SLC25A51: variants seen among roughly 807,000 people sequenced by gnomAD.
SLC25A51 encodes solute carrier family 25 member 51.
In SLC25A51, 11 loss-of-function variants were observed where a neutral mutation model predicts 19.1. The observed-to-expected ratio is 0.58, with a 90% confidence interval of 0.36 to 0.96. The LOEUF is 0.96. Among genes scored for constraint, SLC25A51 ranks in the 40% least tolerant of loss-of-function variants. The pLI, the probability that SLC25A51 is intolerant of heterozygous loss-of-function variation, is 0.01. For synonymous variants in SLC25A51, 105 were observed against 133.6 expected (o/e 0.79, Z 1.47); for missense variants, 201 against 365.4 (o/e 0.55, Z 3.67).
At position 37,896,804 on chromosome 9, in the gene SLC25A51, A is replaced by T. The variant is rs559451310; in HGVS notation, c.-43+3025T>A. ...AGTGCGAAGCTCTGTCTCAATAAAT[A>T]AATATTTAAGGTTCAGAACGGTATT... On this transcript the variant is annotated intron_variant, in intron 2 of 2. Transcript: ENST00000242275. Among the ~76,000 whole-genome samples the T allele has an allele frequency of 3.4e-4, 52 of 152,314 alleles. No homozygotes were observed. In the South Asian group the frequency reaches 5.2e-3, roughly 15 times the overall value.
chr9:37,889,371 G>A (rs1384795140), intron 2 of SLC25A51, among the ~76,000 whole-genome samples: 1 of 152,072 alleles, frequency 6.6e-6, no homozygotes, highest in African/African-American at 2.4e-5. Context: ...GTGCCAAGGT[G>A]AACAATTACA....
chr9:37,891,668 AAG>A (rs1165497120), intron 2 of SLC25A51, among the ~76,000 whole-genome samples: 1 of 152,016 alleles, frequency 6.6e-6, no homozygotes, highest in Non-Finnish European at 1.5e-5. Flanking sequence ...CATGCTCGTT[AAG>A]AGTCATCACC....
At chr9:37,885,868 T>C (rs1421899200), downstream of SLC25A51, 2 of 1,595,960 alleles carry the variant, frequency 1.3e-6, no homozygotes, top group African/African-American at 1.4e-5. Flanking sequence ...GTGTTCCTGA[T>C]GACGTGCAAA....
At chr9:37,889,741 T>A (rs1005852877) in intron 2 of SLC25A51, among the ~76,000 whole-genome samples, 17 of 148,186 alleles carry the variant, frequency 1.1e-4, no homozygotes, top group South Asian at 2.2e-4. Context: ...CTATACTAGA[T>A]ACTGCTGAAA....
chr9:37,878,728 T>C (rs1222629475), downstream of SLC25A51: 1 of 154,892 alleles, frequency 6.5e-6, no homozygotes, highest in Non-Finnish European at 1.4e-5. Flanking sequence ...ATGTTATTGA[T>C]AATGACTCCT....
chr9:37,899,526 G>C (rs908914575), intron 2 of SLC25A51, among the ~76,000 whole-genome samples: 1 of 152,004 alleles, frequency 6.6e-6, no homozygotes, highest in African/African-American at 2.4e-5. Flanking sequence ...CACCATGCCT[G>C]GCTAATTTTT....
chr9:37,901,227 T>C (rs1296742865), intron 1 of SLC25A51, among the ~76,000 whole-genome samples: 2 of 152,166 alleles, frequency 1.3e-5, no homozygotes, highest in Non-Finnish European at 2.9e-5. Context: ...TGGAGTGCAG[T>C]GGCGCAATCT....
At chr9:37,901,912 T>C (rs1831857537) in intron 1 of SLC25A51, among the ~76,000 whole-genome samples, 1 of 152,228 alleles carries the variant, frequency 6.6e-6, no homozygotes, top group Admixed American at 6.5e-5. Context: ...TAATCAATAT[T>C]TGAAGTCCTA....
downstream of SLC25A51, chr9:37,885,896 A>G (rs1831445401): frequency 3.9e-6 from 6 of 1,521,858 alleles, no homozygotes; most frequent in Non-Finnish European, 5.5e-6. Context: ...CTCCCCATAT[A>G]TGGGCCCTGA....
At chr9:37,887,472 T>C, downstream of SLC25A51, 1 of 649,106 alleles carries the variant, frequency 1.5e-6, no homozygotes, top group Non-Finnish European at 2.6e-6. Flanking sequence ...TTCCTTTGTG[T>C]GGTAGGACTT....
At chr9:37,886,130 T>C (rs1831451274), downstream of SLC25A51, 10 of 1,425,362 alleles carry the variant, frequency 7.0e-6, no homozygotes, top group South Asian at 1.1e-4. Context: ...AGTGAGCACA[T>C]CACCCCTCAC....
Position 37,897,903 on chromosome 9 carries a change from C to T in SLC25A51, c.-43+1926G>A, listed in dbSNP as rs180762621. The stretch of plus-strand genomic sequence containing the variant: ...TTATTCCACTCAAGTATCCCTCCTC[C>T]CTATTTATCATCTACCCCTGCCCAT... On this transcript the variant is annotated intron_variant, in intron 2 of 2. Transcript: ENST00000242275. Among the ~76,000 whole-genome samples, 346 of 152,250 alleles carry T rather than the reference C, an allele frequency of 2.3e-3. 2 individuals are homozygous for T. The highest frequency in any genetic ancestry group is 7.5e-3 in the African/African-American group (311 of 41,532).
chr9:37,898,270 G>C (rs1448677557), intron 2 of SLC25A51, among the ~76,000 whole-genome samples: 1 of 151,942 alleles, frequency 6.6e-6, no homozygotes, highest in African/African-American at 2.4e-5. Flanking sequence ...AATTAGCCGG[G>C]GGTGGCCGGG....
rs775516331 is a variant in SLC25A51, at chr9:37,892,205, G to C, written c.-42-3613C>G. 8.5e-5 allele frequency among the ~76,000 whole-genome samples: 13 copies of C among 152,210 alleles called. No homozygotes were observed. The South Asian group carries it at 1.2e-3, about 15-fold the overall frequency. ...AGGGAGATAAATGAAATCATGGAAG[G>C]TATCAAGGCCCCATACAGCAGGAGG... is the stretch of plus-strand genomic sequence containing the variant. On this transcript the variant is annotated intron_variant, in intron 2 of 2. Coordinates refer to ENST00000242275, the MANE Select transcript of SLC25A51 (RefSeq NM_033412.4).
intron 2 of SLC25A51, among the ~76,000 whole-genome samples, chr9:37,881,941 A>G (rs1240350336): frequency 1.3e-5 from 2 of 152,210 alleles, no homozygotes; most frequent in Non-Finnish European, 2.9e-5. Flanking sequence ...AAAAAGTGTT[A>G]ACTCTGAAAC....
At chr9:37,897,700 T>C (rs1216093320) in intron 2 of SLC25A51, among the ~76,000 whole-genome samples, 3 of 151,784 alleles carry the variant, frequency 2.0e-5, no homozygotes, top group African/African-American at 7.2e-5. Flanking sequence ...CTTATATTTT[T>C]CTTGACACCT....
At chr9:37,889,692 G>A (rs148723121) in intron 2 of SLC25A51, among the ~76,000 whole-genome samples, 3,066 of 150,112 alleles carry the variant, frequency 0.02, 50 homozygotes, top group Non-Finnish European at 0.032. Context: ...TATCACAGAT[G>A]GCAATGACTT....
intron 2 of SLC25A51, among the ~76,000 whole-genome samples, chr9:37,889,416 TG>T (rs1831532374): frequency 6.6e-6 from 1 of 152,110 alleles, no homozygotes; most frequent in African/African-American, 2.4e-5. Flanking sequence ...CCAACCATTG[TG>T]GGAACACAGG....
chr9:37,885,457 TACGACACCA>T (rs1434549053), downstream of SLC25A51, among the ~76,000 whole-genome samples: 1 of 151,982 alleles, frequency 6.6e-6, no homozygotes, highest in African/African-American at 2.4e-5. Flanking sequence ...GGCCTGGAGT[TACGACACCA>T]ACTTATATTT....
Sources: gnomAD v4.1 joint callset for allele counts (sites outside exome capture counted in the v4.1 genomes callset) on GRCh38, gnomAD v4.1.1 for gene constraint, MANE v1.5 for transcripts, NCBI Gene and HGNC (gene_info 2026-07-23, HGNC 2026-07-21) for gene names.